The following HERC2 variants were observed in gnomAD, a reference collection of about 807,000 sequenced individuals.
HERC2 encodes the protein HECT and RLD domain containing E3 ubiquitin protein ligase 2, also known as E3 ubiquitin-protein ligase HERC2.
Under a neutral mutation model 537.7 loss-of-function variants are expected in HERC2, and 102 were observed. The observed-to-expected ratio is 0.19, with a 90% CI of 0.16 to 0.22. The LOEUF (loss-of-function observed/expected upper bound fraction) is 0.22. HERC2 is among the 10% of genes least tolerant of loss of function. The probability of loss-of-function intolerance (pLI) is 1.00; values close to 1 mark genes in which losing one functional copy is unlikely to be tolerated. For missense variants in HERC2, 4,236 were observed against 6,198.2 expected, an observed-to-expected ratio of 0.68 and a Z score of 10.63; for synonymous variants, 2,224 against 2,466.2, an observed-to-expected ratio of 0.90 and a Z score of 2.91.
chr15:28,111,988 G>A lies in HERC2; in HGVS notation c.14280C>T (p.Tyr4760=). 6.2e-7 allele frequency: 1 copy of A among 1,614,168 alleles called. No individual in the cohort carries two copies. Among genetic ancestry groups the A allele is most frequent in the Non-Finnish European group, 8.5e-7 (1 of 1,179,994 alleles). ...NPPDHFLPES[Y]TCFFLLKLPR... ...GCAGCTTCAGCAAGAAGAAACAGGT[G>A]TAGGACTCAGGGAGGAAGTGGTCTG... The change falls in exon 93 of 93, where the codon TAC becomes TAT. Residue 4760 remains tyrosine (Y), a synonymous_variant. Coordinates refer to ENST00000261609, the MANE Select transcript of HERC2 (RefSeq NM_004667.6).
intron 79 of HERC2, among the ~76,000 whole-genome samples, chr15:28,133,115 A>T (rs1890274171): frequency 1.3e-5 from 2 of 151,840 alleles, no homozygotes. Flanking sequence ...TGAGCTGAGA[A>T]CAGGTTTTAC....
chr15:28,306,539 T>C (rs1410247917), intron 2 of HERC2, among the ~76,000 whole-genome samples: 4 of 152,320 alleles, frequency 2.6e-5, no homozygotes, highest in South Asian at 2.1e-4. Context: ...GTTTTTTTGA[T>C]TATGTCTTTG....
intron 56 of HERC2, among the ~76,000 whole-genome samples, chr15:28,184,644 G>A (rs1896127847): frequency 6.6e-6 from 1 of 151,900 alleles, no homozygotes; most frequent in Non-Finnish European, 1.5e-5. Flanking sequence ...GGCGGATTAC[G>A]AGGTCAGGAG....
intron 17 of HERC2, 83 bp from the exon 18 acceptor site, chr15:28,256,400 A>C: frequency 1.1e-6 from 1 of 900,908 alleles, no homozygotes; most frequent in South Asian, 1.7e-5. Flanking sequence ...AATAAAAGTC[A>C]ATTTCAAGTA....
In HERC2 at chr15:28,152,668, C is replaced by CCCCT; in HGVS notation, c.10900+5_10900+8dup. On this transcript the variant is annotated intron_variant, in intron 70 of 92. Coordinates refer to ENST00000261609, the MANE Select transcript of HERC2 (RefSeq NM_004667.6). ...GGCTGCAGCTCCCCGCTGGGGCCAGCCCCTGTACCTGGTATCTTCACTGTG... is the reference window on the plus strand; with the variant it reads ...GGCTGCAGCTCCCCGCTGGGGCCAGCCCCTCCCTGTACCTGGTATCTTCACTGTG... 6.5e-7 allele frequency: 1 copy of CCCCT among 1,543,278 alleles called. No individual in the cohort carries two copies.
At chr15:28,293,176 G>C (rs1325580296) in intron 3 of HERC2, among the ~76,000 whole-genome samples, 154 bp from the exon 4 acceptor site, 1 of 152,138 alleles carries the variant, frequency 6.6e-6, no homozygotes, top group East Asian at 1.9e-4. Context: ...ACCTGTAACA[G>C]ACCCAGTATA....
Position 28,301,031 on chromosome 15 carries a change from A to G in HERC2, c.73-1515T>C, listed in dbSNP as rs58762968. Among the ~76,000 whole-genome samples the G allele has an allele frequency of 4.3e-3, 652 of 151,148 alleles. 14 individuals carry two copies. Among genetic ancestry groups the G allele is most frequent in the Admixed American group, 0.027 (400 of 14,686 alleles). ...TTTTGGTCTCTCAGAACCATTTCCC[A>G]ATAAAAGACGCTAGGGCTCTAGGGA... On this transcript the variant is annotated intron_variant, in intron 2 of 92. Coordinates refer to ENST00000261609, the MANE Select transcript of HERC2 (RefSeq NM_004667.6).
intron 2 of HERC2, chr15:28,315,904 C>T (rs1038603289): frequency 8.9e-6 from 4 of 447,262 alleles, no homozygotes; most frequent in Admixed American, 5.5e-5. Flanking sequence ...AACTTCATCG[C>T]CCTCTGATCG....
At chr15:28,192,850 A>C (rs1011662559) in intron 52 of HERC2, among the ~76,000 whole-genome samples, 3 of 152,198 alleles carry the variant, frequency 2.0e-5, no homozygotes, top group Non-Finnish European at 4.4e-5. Context: ...AGGATGCTAC[A>C]GAAATACAAC....
intron 86 of HERC2, chr15:28,117,974 T>C (rs2142064448): frequency 4.1e-6 from 1 of 240,978 alleles, no homozygotes; most frequent in Non-Finnish European, 8.2e-6. Flanking sequence ...AGAATGTATT[T>C]TGATGACTCC....
At chr15:28,314,603 A>T (rs1374781111) in intron 2 of HERC2, among the ~76,000 whole-genome samples, 1 of 152,128 alleles carries the variant, frequency 6.6e-6, no homozygotes, top group Non-Finnish European at 1.5e-5. Context: ...CACACCTGTC[A>T]TCTCAGACTT....
chr15:28,217,238 TGCTCACCCTCAC>T (rs1456938455), intron 38 of HERC2, among the ~76,000 whole-genome samples: 1 of 152,002 alleles, frequency 6.6e-6, no homozygotes, highest in African/African-American at 2.4e-5. Context: ...GCCTCCCTCA[TGCTCACCCTCAC>T]ACACACACTG....
intron 12 of HERC2, among the ~76,000 whole-genome samples, chr15:28,267,760 G>A (rs1306281938): frequency 6.6e-6 from 1 of 152,218 alleles, no homozygotes; most frequent in African/African-American, 2.4e-5. Context: ...TGCCCCCCAG[G>A]CTCCTCTCAA....
chr15:28,174,761 T>C, intron 64 of HERC2, 141 bp from the exon 65 acceptor site: 2 of 709,342 alleles, frequency 2.8e-6, no homozygotes, highest in Non-Finnish European at 4.7e-6. Flanking sequence ...ACAAACCATT[T>C]CACAATCTTT....
intron 55 of HERC2, among the ~76,000 whole-genome samples, chr15:28,187,424 C>T (rs888522949): frequency 6.6e-5 from 10 of 151,946 alleles, no homozygotes; most frequent in South Asian, 2.1e-4. Context: ...CCCTGCCTCC[C>T]GGGTTCAAGC....
At chr15:28,227,835 CCA>C (rs1373511669) in intron 35 of HERC2, among the ~76,000 whole-genome samples, 1 of 151,992 alleles carries the variant, frequency 6.6e-6, no homozygotes, top group African/African-American at 2.4e-5. Flanking sequence ...CTGATATATA[CCA>C]AATGAAATAA....
intron 4 of HERC2, among the ~76,000 whole-genome samples, chr15:28,290,824 G>A (rs1241388487): frequency 1.3e-5 from 2 of 152,184 alleles, no homozygotes; most frequent in South Asian, 2.1e-4. Context: ...TGCTTAGAGG[G>A]AAATTTATAT....
At chr15:28,229,162 T>C (rs1272594927) in intron 34 of HERC2, 33 bp downstream of exon 34, 1 of 1,574,980 alleles carries the variant, frequency 6.3e-7, no homozygotes, top group Non-Finnish European at 8.7e-7. Context: ...AAAGGCAAAC[T>C]ATAAAATAAC....
At chr15:28,138,755 T>C (rs1596027083) in intron 78 of HERC2, among the ~76,000 whole-genome samples, 1 of 152,190 alleles carries the variant, frequency 6.6e-6, no homozygotes, top group East Asian at 1.9e-4. Context: ...TCAAATCTTG[T>C]TATTTAAGAA....
Sources: allele counts gnomAD v4.1 joint callset (sites outside exome capture counted in the v4.1 genomes callset), GRCh38; gene constraint gnomAD v4.1.1; transcripts MANE v1.5; gene names NCBI Gene and HGNC (gene_info 2026-07-23, HGNC 2026-07-21).